MRPL30: variants seen among roughly 807,000 people sequenced by gnomAD.
MRPL30 encodes large ribosomal subunit protein uL30m.
MRPL30 carries 10 observed loss-of-function variants against 17.2 expected under a neutral mutation model. That is an observed-to-expected ratio of 0.58 (90% CI 0.36 to 0.99). The LOEUF (loss-of-function observed/expected upper bound fraction) is 0.99, where lower values mean the gene tolerates loss of function less well. Among genes scored for constraint, MRPL30 ranks in the 50% least tolerant of loss-of-function variants. The pLI is 0.01. For synonymous variants in MRPL30, 61 were observed against 62.1 expected (o/e 0.98, Z 0.08); for missense variants, 170 against 189.8 (o/e 0.90, Z 0.61).
chr2:99,194,218 T>A (rs1293103930), intron 3 of MRPL30, among the ~76,000 whole-genome samples: 1 of 152,176 alleles, frequency 6.6e-6, no homozygotes, highest in African/African-American at 2.4e-5. Context: ...ATATTTTGTA[T>A]ACTTAGAGGA....
intron 1 of MRPL30, among the ~76,000 whole-genome samples, chr2:99,181,794 G>GCTGC (rs1016141564): frequency 6.6e-6 from 1 of 152,136 alleles, no homozygotes; most frequent in African/African-American, 2.4e-5. Flanking sequence ...AGTAATGAGG[G>GCTGC]CTGCCTACTG....
At chr2:99,181,593 A>G (rs2093921865) in intron 1 of MRPL30, among the ~76,000 whole-genome samples, 1 of 122,676 alleles carries the variant, frequency 8.2e-6, no homozygotes, top group African/African-American at 2.8e-5. Context: ...GCCACTGGGT[A>G]TTAAGGTTGC....
chr2:99,193,635 G>A (rs112469985), intron 3 of MRPL30, among the ~76,000 whole-genome samples: 14 of 152,142 alleles, frequency 9.2e-5, no homozygotes, highest in African/African-American at 3.1e-4. Flanking sequence ...TTTCTTTTTG[G>A]TTTTTGGCTC....
At chr2:99,184,909 T>C (rs1242398235) in intron 1 of MRPL30, among the ~76,000 whole-genome samples, 1 of 152,220 alleles carries the variant, frequency 6.6e-6, no homozygotes, top group Non-Finnish European at 1.5e-5. Context: ...TGCGGGACAC[T>C]GAATTACAAC....
At chr2:99,193,521 A>G (rs1249716193) in intron 3 of MRPL30, among the ~76,000 whole-genome samples, 2 of 152,094 alleles carry the variant, frequency 1.3e-5, no homozygotes, top group South Asian at 2.1e-4. Flanking sequence ...TATATTTTAT[A>G]TGAGTCTTAG....
chr2:99,184,604 A>C (rs1003784466), intron 1 of MRPL30, among the ~76,000 whole-genome samples: 4 of 152,208 alleles, frequency 2.6e-5, no homozygotes, highest in African/African-American at 9.7e-5. Context: ...TATTGCTGAT[A>C]TACAAAAAAG....
chr2:99,192,176 T>C (rs1460172764), intron 3 of MRPL30, among the ~76,000 whole-genome samples: 1 of 152,174 alleles, frequency 6.6e-6, no homozygotes, highest in Non-Finnish European at 1.5e-5. Flanking sequence ...AATACGGAGT[T>C]CAATCTGTGT....
At chr2:99,190,697 A>G (rs2093943530) in intron 3 of MRPL30, among the ~76,000 whole-genome samples, 1 of 152,176 alleles carries the variant, frequency 6.6e-6, no homozygotes, top group African/African-American at 2.4e-5. Flanking sequence ...GTTGGCATTC[A>G]TTTAAAATAT....
intron 3 of MRPL30, among the ~76,000 whole-genome samples, chr2:99,188,891 G>T (rs943540892): frequency 2.0e-5 from 3 of 152,134 alleles, no homozygotes; most frequent in Admixed American, 6.6e-5. Context: ...AGTAGAGATG[G>T]GGTTTCATCA....
Position 99,197,109 on chromosome 2 carries a change from C to A in MRPL30, c.*1404C>A, listed in dbSNP as rs570252557. 2 of 152,148 alleles carry A rather than the reference C, an allele frequency of 1.3e-5. No homozygotes were observed. The highest frequency in any genetic ancestry group is 4.2e-4 in the South Asian group (2 of 4,818). The allele number at this position is 152,148 out of a possible 1,614,324, so 9.4% of individuals were successfully genotyped here. ...CTGTTGAAAAGAAAGAAGAAGGAGG[C>A]GGAAATCTCTCAGGGAGAATTATTT... On this transcript the variant is annotated 3_prime_UTR_variant, in exon 6 of 6. Transcript: ENST00000338148.
At position 99,198,562 on chromosome 2, in the gene MRPL30, A is replaced by C. The variant is rs1240829576; in HGVS notation, c.*2857A>C. Among the ~76,000 whole-genome samples, 2 of 152,176 alleles carry C rather than the reference A, an allele frequency of 1.3e-5. No individual in the cohort carries two copies. The highest frequency in any genetic ancestry group is 2.9e-5 in the Non-Finnish European group (2 of 68,028). On this transcript the variant is annotated 3_prime_UTR_variant, in exon 6 of 6. Transcript: ENST00000338148. ...GTTCCTACCTACACTCAAGGAAGGG[A>C]GGAATTACACAGAAGTGTGACCACA...
rs2093954136 is a variant in MRPL30, at chr2:99,195,715, A to T, written c.*10A>T. 1.2e-6 allele frequency: 2 copies of T among 1,608,886 alleles called. No homozygotes were observed. Among genetic ancestry groups the T allele is most frequent in the African/African-American group, 2.7e-5 (2 of 74,502 alleles). Reference sequence around the variant, plus strand: ...AGCACATGAGTCCTAATGCCCCAGCAGCTTCCGATTGGAAAATGCAAATTG... The same window carrying T: ...AGCACATGAGTCCTAATGCCCCAGCTGCTTCCGATTGGAAAATGCAAATTG... On this transcript the variant is annotated 3_prime_UTR_variant, in exon 6 of 6. Transcript: ENST00000338148.
At chr2:99,186,352 A>G in intron 2 of MRPL30, 98 bp downstream of exon 2, 2 of 1,184,848 alleles carry the variant, frequency 1.7e-6, no homozygotes, top group Non-Finnish European at 2.4e-6. Flanking sequence ...TATTTTTTTG[A>G]GACGAAGTCT....
At chr2:99,185,905 G>A (rs1361040743) in intron 1 of MRPL30, 1 of 453,770 alleles carries the variant, frequency 2.2e-6, no homozygotes, top group Admixed American at 3.3e-5. Flanking sequence ...CATTGTTGAA[G>A]AAGACACTTT....
At chr2:99,181,513 G>A (rs1025426346) in intron 1 of MRPL30, among the ~76,000 whole-genome samples, 1 of 152,068 alleles carries the variant, frequency 6.6e-6, no homozygotes, top group African/African-American at 2.4e-5. Flanking sequence ...AGCCGCCGAG[G>A]CTGGACAGCT....
chr2:99,185,588 G>A (rs1248816819), intron 1 of MRPL30, among the ~76,000 whole-genome samples: 2 of 152,142 alleles, frequency 1.3e-5, no homozygotes, highest in African/African-American at 2.4e-5. Flanking sequence ...GAAGCAATGC[G>A]TGTGCATTGA....
At chr2:99,186,464 C>A (rs142806880) in intron 2 of MRPL30, among the ~76,000 whole-genome samples, 2,659 of 152,296 alleles carry the variant, frequency 0.017, 31 homozygotes, top group Middle Eastern at 0.027. Context: ...TCCTGAGTAG[C>A]TGGGACTACA....
intron 4 of MRPL30, 28 bp from the exon 5 acceptor site, chr2:99,195,088 A>C: frequency 6.5e-7 from 1 of 1,543,708 alleles, no homozygotes; most frequent in South Asian, 1.2e-5. Context: ...TCAGATTGAT[A>C]ACGTTGCTTT....
intron 3 of MRPL30, among the ~76,000 whole-genome samples, chr2:99,190,924 A>G (rs1289460068): frequency 6.6e-6 from 1 of 152,232 alleles, no homozygotes; most frequent in East Asian, 1.9e-4. Flanking sequence ...CTTTAAATAA[A>G]ATAAATGTGC....
Sources: allele counts gnomAD v4.1 joint callset (sites outside exome capture counted in the v4.1 genomes callset), GRCh38; gene constraint gnomAD v4.1.1; transcripts MANE v1.5; gene names NCBI Gene and HGNC (gene_info 2026-07-23, HGNC 2026-07-21).